DAAM1: variants seen among roughly 807,000 people sequenced by gnomAD.
The protein encoded by DAAM1 is disheveled-associated activator of morphogenesis 1.
Under a neutral mutation model 130.0 loss-of-function variants are expected in DAAM1, and 52 were observed. The observed-to-expected ratio is 0.40, with a 90% CI of 0.32 to 0.50. The LOEUF is 0.50. DAAM1 is among the 20% of genes least tolerant of loss of function. The pLI, the probability that DAAM1 is intolerant of heterozygous loss-of-function variation, is 0.61. For missense variants in DAAM1, 1,134 were observed against 1,303.8 expected (o/e 0.87, Z 2.01); for synonymous variants, 452 against 444.5 (o/e 1.02, Z -0.21).
At chr14:59,355,604 T>G (rs1272171821) in intron 20 of DAAM1, among the ~76,000 whole-genome samples, 1 of 152,248 alleles carries the variant, frequency 6.6e-6, no homozygotes, top group African/African-American at 2.4e-5. Context: ...GCTGTTGTTT[T>G]TGTTTTGTCC....
chr14:59,247,399 A>G lies in DAAM1; in HGVS notation c.-37-16042A>G, dbSNP rs547515434. 8.5e-4 allele frequency among the ~76,000 whole-genome samples: 129 copies of G among 152,168 alleles called. 2 individuals carry two copies. The South Asian group carries it at 0.019, about 22-fold the overall frequency. On this transcript the variant is annotated intron_variant, in intron 1 of 24. Transcript: ENST00000360909. ...CTTGAGATTCCATATGCCTTCCTGG[A>G]TGGATTTTTCTGTTTCTGCCAAAGA... is the stretch of plus-strand genomic sequence containing the variant.
At chr14:59,207,824 T>C (rs1213784535) in intron 1 of DAAM1, among the ~76,000 whole-genome samples, 2 of 152,226 alleles carry the variant, frequency 1.3e-5, no homozygotes, top group Non-Finnish European at 1.5e-5. Flanking sequence ...GGATACCCAG[T>C]AATCTCTTTT....
chr14:59,198,207 C>CTTTCT (rs1887971123), intron 1 of DAAM1, among the ~76,000 whole-genome samples: 2 of 133,428 alleles, frequency 1.5e-5, no homozygotes, highest in Non-Finnish European at 3.2e-5. Context: ...TCTTTTCTTT[C>CTTTCT]TTTTTTTTTT....
intron 1 of DAAM1, among the ~76,000 whole-genome samples, chr14:59,241,169 A>T (rs1566663743): frequency 6.6e-6 from 1 of 152,236 alleles, no homozygotes; most frequent in Non-Finnish European, 1.5e-5. Context: ...TGCATTTTGT[A>T]TGTATGTAGA....
At chr14:59,269,208 T>A (rs185120675) in intron 2 of DAAM1, among the ~76,000 whole-genome samples, 10 of 152,320 alleles carry the variant, frequency 6.6e-5, no homozygotes, top group Non-Finnish European at 1.5e-4. Context: ...GATCAAGTGC[T>A]ATGGGAGTGC....
chr14:59,210,625 C>G (rs1431881603), intron 1 of DAAM1, among the ~76,000 whole-genome samples: 1 of 152,158 alleles, frequency 6.6e-6, no homozygotes, highest in African/African-American at 2.4e-5. Context: ...AACATACCCT[C>G]TCCTCATTAT....
At chr14:59,318,045 G>T (rs536909711) in intron 4 of DAAM1, among the ~76,000 whole-genome samples, 150 of 152,244 alleles carry the variant, frequency 9.9e-4, no homozygotes, top group Non-Finnish European at 1.6e-3. Context: ...ATTACTTTAT[G>T]TAAGCCTCAT....
intron 1 of DAAM1, among the ~76,000 whole-genome samples, chr14:59,230,611 T>C (rs892602749): frequency 6.6e-6 from 1 of 151,920 alleles, no homozygotes; most frequent in East Asian, 1.9e-4. Flanking sequence ...AGTGGGGGGC[T>C]TGGAGGGAGT....
intron 4 of DAAM1, among the ~76,000 whole-genome samples, chr14:59,318,463 A>G (rs1884876475): frequency 1.3e-5 from 2 of 149,660 alleles, no homozygotes; most frequent in South Asian, 4.3e-4. Flanking sequence ...GCATTCAAAG[A>G]AGCCTCCACA....
At chr14:59,242,740 A>G (rs1159286545) in intron 1 of DAAM1, among the ~76,000 whole-genome samples, 2 of 152,068 alleles carry the variant, frequency 1.3e-5, no homozygotes, top group Admixed American at 1.3e-4. Context: ...TTGTATTTTT[A>G]GTAGAAACAG....
chr14:59,272,542 A>C (rs548808522), intron 2 of DAAM1, among the ~76,000 whole-genome samples: 1 of 151,950 alleles, frequency 6.6e-6, no homozygotes, highest in Admixed American at 6.6e-5. Context: ...GGGCCACTGC[A>C]CTCCAGCCTG....
chr14:59,316,183 G>A (rs765453898), intron 4 of DAAM1, among the ~76,000 whole-genome samples: 1 of 152,148 alleles, frequency 6.6e-6, no homozygotes, highest in Non-Finnish European at 1.5e-5. Flanking sequence ...GAGTCAATCT[G>A]TTATATTCAT....
intron 3 of DAAM1, among the ~76,000 whole-genome samples, chr14:59,294,725 A>C (rs965379478): frequency 1.3e-5 from 2 of 152,206 alleles, no homozygotes; most frequent in Non-Finnish European, 2.9e-5. Context: ...GGTTTTTCCC[A>C]GTCTCTAGCC....
intron 1 of DAAM1, among the ~76,000 whole-genome samples, chr14:59,226,701 A>G (rs930063197): frequency 6.6e-6 from 1 of 152,206 alleles, no homozygotes; most frequent in Non-Finnish European, 1.5e-5. Flanking sequence ...ATTCACTAGC[A>G]TGGGTTAAGC....
intron 20 of DAAM1, 87 bp downstream of exon 20, chr14:59,355,420 C>A: frequency 6.9e-7 from 1 of 1,458,052 alleles, no homozygotes; most frequent in Non-Finnish European, 9.3e-7. Context: ...CCTCAGCCTT[C>A]ATGACACTGC....
chr14:59,288,286 A>T (rs145990113), intron 2 of DAAM1, among the ~76,000 whole-genome samples: 1 of 152,340 alleles, frequency 6.6e-6, no homozygotes, highest in East Asian at 1.9e-4. Context: ...TAGATTGAAG[A>T]CTTAACTGTA....
intron 22 of DAAM1, chr14:59,363,101 A>G (rs1414428946): frequency 6.5e-6 from 1 of 153,444 alleles, no homozygotes; most frequent in Non-Finnish European, 1.4e-5. Context: ...TAATTCCCCT[A>G]CAGGCCTGTT....
intron 18 of DAAM1, among the ~76,000 whole-genome samples, chr14:59,353,010 A>G (rs1203159231): frequency 6.6e-6 from 1 of 152,034 alleles, no homozygotes. Context: ...AAAAAAGAAA[A>G]AAAAATATAT....
At chr14:59,330,382 A>AT in intron 12 of DAAM1, 119 bp from the exon 13 acceptor site, 1 of 925,020 alleles carries the variant, frequency 1.1e-6, no homozygotes, top group Non-Finnish European at 1.6e-6. Context: ...GAGGAATAAT[A>AT]TTTACCTAAT....
Sources: gnomAD v4.1 joint callset for allele counts (sites outside exome capture counted in the v4.1 genomes callset) on GRCh38, gnomAD v4.1.1 for gene constraint, MANE v1.5 for transcripts, NCBI Gene and HGNC (gene_info 2026-07-23, HGNC 2026-07-21) for gene names.